Variants in KMT2E observed in about 807,000 individuals in gnomAD.
KMT2E encodes lysine methyltransferase 2E (inactive), also known as histone reader KMT2E.
KMT2E carries 30 observed loss-of-function variants against 184.6 expected under a neutral mutation model. That is an observed-to-expected ratio of 0.16 (90% CI 0.12 to 0.22). The LOEUF (loss-of-function observed/expected upper bound fraction) is 0.22, where lower values mean the gene tolerates loss of function less well. Among genes scored for constraint, KMT2E ranks in the 10% least tolerant of loss-of-function variants. KMT2E has a pLI of 1.00. For synonymous variants in KMT2E, 815 were observed against 776.5 expected, an observed-to-expected ratio of 1.05 and a Z score of -0.82; for missense variants, 2,023 against 2,237.4, an observed-to-expected ratio of 0.90 and a Z score of 1.93.
intron 11 of KMT2E, 22 bp downstream of exon 11, chr7:105,077,455 T>G (rs745896642): frequency 6.3e-7 from 1 of 1,578,804 alleles, no homozygotes; most frequent in African/African-American, 1.4e-5. Context: ...TATTTTCCCA[T>G]GTTCATTTTC....
chr7:105,090,122 A>C lies in KMT2E; in HGVS notation c.1472A>C (p.Lys491Thr). ...INSGYETRRK[K>T]GKKDKDISKE... ...AGTGGTTATGAGACCAGACGGAAAA[A>C]AGGAAAAAAAGACAAAGATATTTCA... The change falls in exon 14 of 27, where the codon AAA becomes ACA. Residue 491 changes from lysine (K) to threonine (T), a missense_variant. Lys to Thr is a moderately conservative substitution (Grantham distance 78, BLOSUM62 -1). This residue lies in a region of KMT2E where 514 missense variants were observed against 621.8 expected (regional missense o/e 0.83). Coordinates refer to ENST00000311117, the MANE Select transcript of KMT2E (RefSeq NM_182931.3). The C allele has an allele frequency of 6.2e-7, 1 of 1,613,602 alleles. No individual in the cohort carries two copies. The highest frequency in any genetic ancestry group is 8.5e-7 in the Non-Finnish European group (1 of 1,179,750).
intron 12 of KMT2E, among the ~76,000 whole-genome samples, chr7:105,080,144 G>T (rs1474317775): frequency 6.6e-6 from 1 of 152,118 alleles, no homozygotes; most frequent in African/African-American, 2.4e-5. Flanking sequence ...ACCAGGTCCA[G>T]CCTAATACTG....
At chr7:105,099,504 A>AT (rs1352081789) in intron 15 of KMT2E, among the ~76,000 whole-genome samples, 2 of 152,150 alleles carry the variant, frequency 1.3e-5, no homozygotes, top group South Asian at 2.1e-4. Flanking sequence ...GGGGAGTTTG[A>AT]TTTTTTAATT....
intron 13 of KMT2E, among the ~76,000 whole-genome samples, chr7:105,088,785 TGG>T (rs796778337): frequency 2.0e-5 from 3 of 152,296 alleles, no homozygotes; most frequent in East Asian, 3.9e-4. Context: ...ACTTGTAAAA[TGG>T]GGGCAATATC....
intron 3 of KMT2E, 27 bp downstream of exon 3, chr7:105,041,050 C>CAAAA (rs58676744): frequency 2.2e-4 from 146 of 671,430 alleles, no homozygotes; most frequent in Middle Eastern, 4.6e-4. Flanking sequence ...GTTACATAAG[C>CAAAA]AAAAAAAAAA....
chr7:105,108,148 T>G (rs1230514936), intron 22 of KMT2E, among the ~76,000 whole-genome samples: 1 of 152,136 alleles, frequency 6.6e-6, no homozygotes, highest in African/African-American at 2.4e-5. Flanking sequence ...GTAAGCAGCA[T>G]GGTTTCAGAA....
chr7:105,091,586 A>G (rs1264591571), intron 15 of KMT2E: 4 of 526,434 alleles, frequency 7.6e-6, no homozygotes, highest in Non-Finnish European at 1.3e-5. Context: ...ACACTGAACT[A>G]TTAATAAATT....
At chr7:105,052,979 G>A (rs1324145718) in intron 3 of KMT2E, among the ~76,000 whole-genome samples, 1 of 152,154 alleles carries the variant, frequency 6.6e-6, no homozygotes, top group African/African-American at 2.4e-5. Flanking sequence ...GTTAAGAAGA[G>A]ATAGAACTAC....
chr7:105,107,201 G>C lies in KMT2E; in HGVS notation c.2883G>C (p.Lys961Asn). Residue 961 changes from lysine (K) to asparagine (N), a missense_variant, in exon 21 of 27, where the codon AAG becomes AAC. Coordinates refer to ENST00000311117, the MANE Select transcript of KMT2E (RefSeq NM_182931.3). ...ISSPESSPEI[K>N]RRTYSQEGYD... Reference sequence around the variant, plus strand: ...CCCCAGAAAGTTCTCCAGAAATAAAGAGACGCACTTATAGTCAAGAGGTAA... The same window carrying C: ...CCCCAGAAAGTTCTCCAGAAATAAACAGACGCACTTATAGTCAAGAGGTAA... 1 of 1,557,046 alleles carries C rather than the reference G, an allele frequency of 6.4e-7. No individual in the cohort carries two copies. Among genetic ancestry groups the C allele is most frequent in the African/African-American group, 1.4e-5 (1 of 72,894 alleles).
At chr7:105,075,824 C>T (rs1480661744) in intron 8 of KMT2E, among the ~76,000 whole-genome samples, 9 of 151,814 alleles carry the variant, frequency 5.9e-5, no homozygotes, top group South Asian at 2.1e-4. Flanking sequence ...GTAGCTGGGA[C>T]GACAGGTGCC....
intron 3 of KMT2E, among the ~76,000 whole-genome samples, chr7:105,043,446 C>T (rs987612815): frequency 1.3e-5 from 2 of 151,690 alleles, no homozygotes; most frequent in Non-Finnish European, 2.9e-5. Context: ...CCGTTTTAGC[C>T]GGGATGGTCT....
intron 18 of KMT2E, 62 bp downstream of exon 18, chr7:105,105,755 C>T: frequency 6.4e-7 from 1 of 1,567,692 alleles, no homozygotes; most frequent in African/African-American, 1.4e-5. Context: ...TTCCTTACTA[C>T]CATCCATGGT....
chr7:105,112,391 C>CCCTCCA lies in KMT2E; in HGVS notation c.4641_4646dup (p.Pro1551_Pro1552dup). ...AAAGTCTGAACAGCACGGCACCACC[C>CCCTCCA]CCTCCACCTCCTCCACCTCCTTCTT... is the stretch of plus-strand genomic sequence containing the variant. On this transcript the variant is annotated inframe_insertion, in exon 27 of 27. Transcript: ENST00000311117. 1 of 1,613,024 alleles carries CCCTCCA rather than the reference C, an allele frequency of 6.2e-7. No individual in the cohort carries two copies. The highest frequency in any genetic ancestry group is 1.6e-4 in the Middle Eastern group (1 of 6,062).
Position 105,112,794 on chromosome 7 carries a change from C to CCCCCCCCCCCCCCCCGT in KMT2E, c.5042_5043insCCCCCCCCCCCGTCCCC (p.Gly1685ArgfsTer33). The CCCCCCCCCCCCCCCCGT allele has an allele frequency of 6.3e-7, 1 of 1,583,772 alleles. No homozygotes were observed. The highest frequency in any genetic ancestry group is 1.1e-5 in the South Asian group (1 of 89,122). ...AACTGCTGGACACCACTTACCCCCACCCCCACCCCCTCCTGGTCCTGCCCC... is the reference window on the plus strand; with the variant it reads ...AACTGCTGGACACCACTTACCCCCACCCCCCCCCCCCCCCCGTCCCCACCCCCTCCTGGTCCTGCCCC... On this transcript the variant is annotated frameshift_variant, in exon 27 of 27. Transcript: ENST00000311117. LOFTEE classifies it high-confidence loss of function.
chr7:105,045,758 T>C, intron 3 of KMT2E, among the ~76,000 whole-genome samples: 1 of 152,230 alleles, frequency 6.6e-6, no homozygotes, highest in Non-Finnish European at 1.5e-5. Context: ...TGAACATTGG[T>C]ATACAGGTAT....
Position 105,102,158 on chromosome 7 carries a change from TAATA to T in KMT2E, c.2164_2167del (p.Lys722ValfsTer17), listed in dbSNP as rs1476442868. The T allele has an allele frequency of 6.2e-7, 1 of 1,611,412 alleles. No homozygotes were observed. The highest frequency in any genetic ancestry group is 8.5e-7 in the Non-Finnish European group (1 of 1,178,952). On this transcript the variant is annotated frameshift_variant, in exon 17 of 27. Transcript: ENST00000311117. LOFTEE classifies it high-confidence loss of function. ...TTACTGAAACTGAAGTTCCAGCACT[TAATA>T]AATGTCCTACCAAGTACCCCAAAAC...
intron 3 of KMT2E, among the ~76,000 whole-genome samples, chr7:105,050,658 C>A (rs1438564807): frequency 2.1e-5 from 3 of 143,834 alleles, no homozygotes; most frequent in African/African-American, 5.1e-5. Flanking sequence ...TTCTTTCTTT[C>A]TTTCTTTTTT....
intron 3 of KMT2E, among the ~76,000 whole-genome samples, chr7:105,043,515 C>T (rs1336223387): frequency 1.3e-5 from 2 of 152,116 alleles, no homozygotes; most frequent in Admixed American, 6.5e-5. Flanking sequence ...GGATTACAGG[C>T]GTGAGCCACC....
At chr7:105,070,539 C>T (rs1343320118) in intron 6 of KMT2E, among the ~76,000 whole-genome samples, 1 of 145,118 alleles carries the variant, frequency 6.9e-6, no homozygotes, top group Admixed American at 7.3e-5. Context: ...GAGGCTGAGG[C>T]ATGAGAATTG....
Sources: gnomAD v4.1 joint callset for allele counts (sites outside exome capture counted in the v4.1 genomes callset) on GRCh38, gnomAD v4.1.1 for gene constraint, gnomAD v4.1.1 regional missense constraint, MANE v1.5 for transcripts, NCBI Gene and HGNC (gene_info 2026-07-23, HGNC 2026-07-21) for gene names.